The following RNF185 variants were observed in gnomAD, a reference collection of about 807,000 sequenced individuals.
RNF185 encodes the protein E3 ubiquitin-protein ligase RNF185.
In RNF185, 13 loss-of-function variants were observed where a neutral mutation model predicts 24.9. The ratio of observed to expected loss-of-function variants is 0.52; its 90% CI spans 0.34 to 0.83. The LOEUF (loss-of-function observed/expected upper bound fraction) is 0.83, where lower values mean the gene tolerates loss of function less well. Ranked by LOEUF, RNF185 falls within the 40% of genes least tolerant of loss-of-function variation. RNF185 has a pLI of 0.01. For missense variants in RNF185, 184 were observed against 244.7 expected, an observed-to-expected ratio of 0.75 and a Z score of 1.65; for synonymous variants, 79 against 90.3, an observed-to-expected ratio of 0.88 and a Z score of 0.71.
chr22:31,183,873 G>A (rs1302069965), intron 1 of RNF185, among the ~76,000 whole-genome samples: 1 of 152,286 alleles, frequency 6.6e-6, no homozygotes, highest in Non-Finnish European at 1.5e-5. Flanking sequence ...TTGTCATCAT[G>A]GCCCGTTCTC....
intron 1 of RNF185, among the ~76,000 whole-genome samples, chr22:31,161,742 G>A: frequency 6.6e-6 from 1 of 152,144 alleles, no homozygotes; most frequent in Non-Finnish European, 1.5e-5. Context: ...ATCCCTGCTT[G>A]AATCCTCTCT....
intron 4 of RNF185, 64 bp from the exon 5 acceptor site, chr22:31,196,872 G>A: frequency 6.3e-7 from 1 of 1,594,514 alleles, no homozygotes; most frequent in Non-Finnish European, 8.5e-7. Context: ...AGAGCTCCAG[G>A]TCCTCACAGG....
At position 31,187,225 on chromosome 22, in the gene RNF185, A is replaced by G. The variant is rs1447081343; in HGVS notation, c.131A>G (p.Asp44Gly). 2 of 1,613,970 alleles carry G rather than the reference A, an allele frequency of 1.2e-6. No homozygotes were observed. Among genetic ancestry groups the G allele is most frequent in the African/African-American group, 1.3e-5 (1 of 74,920 alleles). ...DSTFECNICL[D>G]TAKDAVISLC... is the part of the protein sequence containing the mutation. Reference sequence around the variant, plus strand: ...ACTTTCGAGTGCAACATCTGCTTGGACACAGCCAAGGATGCCGTCATCAGC... The same window carrying G: ...ACTTTCGAGTGCAACATCTGCTTGGGCACAGCCAAGGATGCCGTCATCAGC... The change falls in exon 2 of 7, where the codon GAC (aspartate) becomes GGC (glycine). Residue 44 changes from aspartate to glycine, a missense_variant. Asp to Gly is a moderately conservative substitution (Grantham distance 94). Coordinates refer to ENST00000326132, the MANE Select transcript of RNF185 (RefSeq NM_152267.4).
chr22:31,173,018 A>G (rs1184402175), intron 1 of RNF185, among the ~76,000 whole-genome samples: 1 of 152,204 alleles, frequency 6.6e-6, no homozygotes, highest in African/African-American at 2.4e-5. Flanking sequence ...GATTGAAATT[A>G]AATCCCCTTC....
intron 1 of RNF185, chr22:31,182,918 T>TTATTATTAA (rs1312816494): frequency 6.8e-6 from 1 of 147,910 alleles, no homozygotes; most frequent in African/African-American, 2.5e-5. Context: ...TTTATTATTA[T>TTATTATTAA]TATTATTATT....
intron 1 of RNF185, among the ~76,000 whole-genome samples, chr22:31,170,991 G>GGAGTGGATC (rs1350516216): frequency 6.6e-6 from 1 of 151,922 alleles, no homozygotes; most frequent in Non-Finnish European, 1.5e-5. Context: ...TCTGAATACA[G>GGAGTGGATC]GAGTGGATCC....
chr22:31,174,047 A>T (rs911495586), intron 1 of RNF185, among the ~76,000 whole-genome samples: 2 of 152,182 alleles, frequency 1.3e-5, no homozygotes, highest in African/African-American at 4.8e-5. Context: ...AGGGAGGGGG[A>T]TTAACATTTC....
At chr22:31,183,960 G>T (rs1175155996) in intron 1 of RNF185, among the ~76,000 whole-genome samples, 1 of 55,422 alleles carries the variant, frequency 1.8e-5, no homozygotes, top group African/African-American at 7.8e-5. Context: ...CGGGGCAGCT[G>T]TCCAGGCGGG....
At chr22:31,192,650 C>A (rs1230544337) in intron 2 of RNF185, 34 bp from the exon 3 acceptor site, 4 of 1,608,244 alleles carry the variant, frequency 2.5e-6, no homozygotes, top group Non-Finnish European at 3.4e-6. Context: ...TTCTCCTTCT[C>A]CTTGATGACT....
At chr22:31,162,441 A>G (rs1306248860) in intron 1 of RNF185, among the ~76,000 whole-genome samples, 1 of 152,252 alleles carries the variant, frequency 6.6e-6, no homozygotes. Flanking sequence ...GTGGCTCTGA[A>G]AAAAGGATTT....
intron 4 of RNF185, among the ~76,000 whole-genome samples, chr22:31,196,150 C>T (rs1235057904): frequency 2.6e-5 from 4 of 152,108 alleles, no homozygotes; most frequent in Non-Finnish European, 4.4e-5. Context: ...TGTGTATTTG[C>T]TCTCTCTTCT....
chr22:31,183,220 G>T (rs141427197), intron 1 of RNF185, among the ~76,000 whole-genome samples: 6 of 152,234 alleles, frequency 3.9e-5, no homozygotes, highest in Admixed American at 2.0e-4. Flanking sequence ...ACCATGCCTG[G>T]CTGGTAATTC....
intron 3 of RNF185, among the ~76,000 whole-genome samples, chr22:31,194,511 C>T (rs559682101): frequency 8.0e-4 from 122 of 152,082 alleles, no homozygotes; most frequent in Middle Eastern, 6.8e-3. Flanking sequence ...AGGAAGATCA[C>T]GAGGTCAGGA....
chr22:31,174,766 T>C (rs1238252787), intron 1 of RNF185, among the ~76,000 whole-genome samples: 2 of 152,132 alleles, frequency 1.3e-5, no homozygotes, highest in African/African-American at 4.8e-5. Context: ...AAACATTCTT[T>C]GTATTTAAAA....
chr22:31,193,816 A>G (rs1376553401), intron 3 of RNF185, among the ~76,000 whole-genome samples: 1 of 150,824 alleles, frequency 6.6e-6, no homozygotes, highest in Non-Finnish European at 1.5e-5. Context: ...CAAAAAACCG[A>G]AAAAAAAATC....
chr22:31,172,394 T>G (rs1403114946), intron 1 of RNF185, among the ~76,000 whole-genome samples: 3 of 151,972 alleles, frequency 2.0e-5, no homozygotes, highest in Non-Finnish European at 4.4e-5. Flanking sequence ...ATATTAATCT[T>G]ACTGCTTCCT....
At chr22:31,181,659 G>A (rs1242841310) in intron 1 of RNF185, among the ~76,000 whole-genome samples, 4 of 152,270 alleles carry the variant, frequency 2.6e-5, no homozygotes, top group South Asian at 4.1e-4. Flanking sequence ...ATACACCATG[G>A]AATACTATGC....
chr22:31,190,567 G>C lies in RNF185; in HGVS notation c.177-2117G>C, dbSNP rs564992920. 5.4e-5 allele frequency among the ~76,000 whole-genome samples: 8 copies of C among 147,440 alleles called. No homozygotes were observed. The East Asian group carries it at 1.3e-3, about 23-fold the overall frequency. ...CTTCCAAAGTGCTGGGATTACAGGC[G>C]TGAGCCACCACGCCCAGCCTGGTTT... On this transcript the variant is annotated intron_variant, in intron 2 of 6. Transcript: ENST00000326132.
At chr22:31,201,127 A>G (rs1373071516) in intron 5 of RNF185, among the ~76,000 whole-genome samples, 2 of 152,220 alleles carry the variant, frequency 1.3e-5, no homozygotes, top group South Asian at 4.1e-4. Flanking sequence ...GTGGCTGTCA[A>G]TATTGCTCCT....
Sources: gnomAD v4.1 joint callset for allele counts (sites outside exome capture counted in the v4.1 genomes callset) on GRCh38, gnomAD v4.1.1 for gene constraint, MANE v1.5 for transcripts, NCBI Gene and HGNC (gene_info 2026-07-23, HGNC 2026-07-21) for gene names.